The following PHACTR3 variants were observed in gnomAD, a reference collection of about 807,000 sequenced individuals.
PHACTR3 encodes the protein protein phosphatase 1, regulatory subunit 123.
A neutral mutation model predicts 66.8 loss-of-function variants in PHACTR3; 16 were observed. The observed-to-expected ratio is 0.24, with a 90% CI of 0.16 to 0.36. The LOEUF (loss-of-function observed/expected upper bound fraction) is 0.36. PHACTR3 is among the 10% of genes least tolerant of loss of function. PHACTR3 has a pLI of 1.00. For missense variants in PHACTR3, 647 were observed against 719.9 expected (o/e 0.90, Z 1.16); for synonymous variants, 323 against 292.1 (o/e 1.11, Z -1.08).
intron 7 of PHACTR3, among the ~76,000 whole-genome samples, chr20:59,781,565 C>A (rs112590563): frequency 5.3e-5 from 8 of 152,120 alleles, no homozygotes; most frequent in African/African-American, 1.9e-4. Flanking sequence ...ATGGCGCTCA[C>A]GTGGTAGCCC....
At chr20:59,711,231 C>T (rs966095494) in intron 1 of PHACTR3, among the ~76,000 whole-genome samples, 3 of 152,184 alleles carry the variant, frequency 2.0e-5, no homozygotes, top group African/African-American at 7.2e-5. Flanking sequence ...AAACATTCCT[C>T]TTACTGTTTG....
chr20:59,585,072 C>T (rs2032982426), intron 1 of PHACTR3, among the ~76,000 whole-genome samples: 1 of 152,220 alleles, frequency 6.6e-6, no homozygotes, highest in Admixed American at 6.5e-5. Flanking sequence ...GTGAGCGGGG[C>T]CTCGGGTCCT....
intron 8 of PHACTR3, among the ~76,000 whole-genome samples, chr20:59,835,400 G>A (rs1448197789): frequency 6.6e-6 from 1 of 152,178 alleles, no homozygotes; most frequent in Non-Finnish European, 1.5e-5. Flanking sequence ...AGTGGGGAGG[G>A]AGGAGTGGCT....
chr20:59,806,166 C>A lies in PHACTR3; in HGVS notation c.1300C>A (p.Arg434=), dbSNP rs768681755. ...GACTGATGAAGAAAGACAGGAGATC[C>A]GGCAGCAGATCGAGATGAAGCTTTC... ...RRTDEERQEI[R]QQIEMKLSKR... The change falls in exon 8 of 13, where the codon CGG becomes AGG. Residue 434 remains arginine, a synonymous_variant. Transcript: ENST00000371015. 1 of 1,614,044 alleles carries A rather than the reference C, an allele frequency of 6.2e-7. No homozygotes were observed. Among genetic ancestry groups the A allele is most frequent in the Non-Finnish European group, 8.5e-7 (1 of 1,180,032 alleles).
rs966385738 is a variant in PHACTR3 at position 59,680,671 on chromosome 20, T to TC, written c.119-62436_119-62435insC. On this transcript the variant is annotated intron_variant, in intron 1 of 12. Coordinates refer to ENST00000371015, the MANE Select transcript of PHACTR3 (RefSeq NM_080672.5). ...CTTAAAGTGTTATGAGATTTTTTTT[T>TC]TTAGCTCATCAACTATCATTAGTGT... 4.6e-5 allele frequency among the ~76,000 whole-genome samples: 7 copies of TC among 152,294 alleles called. 1 individual carries two copies. The highest frequency in any genetic ancestry group is 1.7e-4 in the African/African-American group (7 of 41,554).
intron 6 of PHACTR3, 120 bp downstream of exon 6, chr20:59,773,573 T>TCC: frequency 9.2e-7 from 1 of 1,081,122 alleles, no homozygotes; most frequent in Non-Finnish European, 1.3e-6. Flanking sequence ...TACAGTCACT[T>TCC]TCTGAACAAG....
intron 1 of PHACTR3, among the ~76,000 whole-genome samples, chr20:59,646,584 C>T (rs759151005): frequency 5.9e-5 from 9 of 152,026 alleles, no homozygotes; most frequent in Non-Finnish European, 1.0e-4. Context: ...CCCAGTGTAC[C>T]CTGGGAGGCA....
chr20:59,591,612 A>G (rs372237668), intron 1 of PHACTR3, among the ~76,000 whole-genome samples: 3 of 151,982 alleles, frequency 2.0e-5, no homozygotes, highest in Admixed American at 6.5e-5. Flanking sequence ...TCTTTTTCCC[A>G]CAGTGCAGTG....
At chr20:59,782,664 C>A (rs988531326) in intron 7 of PHACTR3, among the ~76,000 whole-genome samples, 1 of 152,180 alleles carries the variant, frequency 6.6e-6, no homozygotes, top group African/African-American at 2.4e-5. Context: ...CCTCATAAAA[C>A]CACCAGATCT....
intron 7 of PHACTR3, among the ~76,000 whole-genome samples, chr20:59,789,620 G>C (rs2041029181): frequency 6.6e-6 from 1 of 152,222 alleles, no homozygotes; most frequent in Non-Finnish European, 1.5e-5. Context: ...TGAATGACCA[G>C]ATGGAGAATC....
chr20:59,612,954 A>C (rs543975060), intron 1 of PHACTR3, among the ~76,000 whole-genome samples: 67 of 152,264 alleles, frequency 4.4e-4, no homozygotes, highest in Non-Finnish European at 8.2e-4. Context: ...GGGATGAGGA[A>C]GGGAGGTGCC....
At chr20:59,643,234 A>T (rs2035168160) in intron 1 of PHACTR3, among the ~76,000 whole-genome samples, 1 of 152,160 alleles carries the variant, frequency 6.6e-6, no homozygotes, top group South Asian at 2.1e-4. Context: ...AAAGTTGGGG[A>T]TCAGAGTAAG....
intron 7 of PHACTR3, among the ~76,000 whole-genome samples, chr20:59,791,594 CT>C (rs529215124): frequency 0.011 from 1,504 of 142,630 alleles, 4 homozygotes; most frequent in African/African-American, 0.019. Context: ...TTTCTTTTTT[CT>C]TTTTTTTTTT....
chr20:59,800,041 T>C (rs1444860740), intron 7 of PHACTR3, among the ~76,000 whole-genome samples: 1 of 152,204 alleles, frequency 6.6e-6, no homozygotes, highest in Non-Finnish European at 1.5e-5. Context: ...CCTCAAGCAA[T>C]AGTATGCTAA....
intron 8 of PHACTR3, among the ~76,000 whole-genome samples, chr20:59,824,177 C>T (rs985197170): frequency 3.9e-5 from 6 of 152,176 alleles, no homozygotes; most frequent in African/African-American, 1.2e-4. Flanking sequence ...TACCAGACGC[C>T]GTCACAGCAG....
intron 1 of PHACTR3, among the ~76,000 whole-genome samples, chr20:59,692,096 C>T (rs1323604583): frequency 6.6e-6 from 1 of 152,186 alleles, no homozygotes; most frequent in Non-Finnish European, 1.5e-5. Flanking sequence ...AACACCACTC[C>T]TTTGTCTCCA....
chr20:59,755,098 T>G, intron 3 of PHACTR3, 84 bp from the exon 4 acceptor site: 1 of 1,393,530 alleles, frequency 7.2e-7, no homozygotes, highest in Non-Finnish European at 9.8e-7. Context: ...CTAGAATGGA[T>G]ACTTCTCAGA....
chr20:59,693,369 C>T (rs1215839956), intron 1 of PHACTR3, among the ~76,000 whole-genome samples: 1 of 152,170 alleles, frequency 6.6e-6, no homozygotes. Context: ...TCATCACCTA[C>T]TTTTAGGGTA....
chr20:59,750,618 G>A (rs745386279), intron 3 of PHACTR3, among the ~76,000 whole-genome samples: 4 of 152,166 alleles, frequency 2.6e-5, no homozygotes, highest in Non-Finnish European at 4.4e-5. Context: ...CCCACACACC[G>A]GCTGGGGTGG....
Sources: gnomAD v4.1 joint callset for allele counts (sites outside exome capture counted in the v4.1 genomes callset) on GRCh38, gnomAD v4.1.1 for gene constraint, MANE v1.5 for transcripts, NCBI Gene and HGNC (gene_info 2026-07-23, HGNC 2026-07-21) for gene names.